Variants in CEP126 observed in about 807,000 individuals in gnomAD.
The protein encoded by CEP126 is centrosomal protein 126.
A neutral mutation model predicts 107.8 loss-of-function variants in CEP126; 74 were observed. The observed-to-expected ratio is 0.69, with a 90% confidence interval of 0.57 to 0.83. The LOEUF (loss-of-function observed/expected upper bound fraction) is 0.83, where lower values mean the gene tolerates loss of function less well. CEP126 is among the 40% of genes least tolerant of loss of function. CEP126 has a pLI of 0.00. For missense variants in CEP126, 1,237 were observed against 1,281.9 expected, an observed-to-expected ratio of 0.96 and a Z score of 0.53; for synonymous variants, 449 against 446.0, an observed-to-expected ratio of 1.01 and a Z score of -0.08.
At chr11:101,921,816 G>A (rs1265499382) in intron 1 of CEP126, among the ~76,000 whole-genome samples, 2 of 85,018 alleles carry the variant, frequency 2.4e-5, no homozygotes, top group African/African-American at 4.7e-5. Context: ...ATGGAGTTTC[G>A]CTTTTGTTGC....
rs183807136 is a variant in CEP126 at position 101,938,022 on chromosome 11, G to A, written c.249-6243G>A. ...CAAAAAATTAGCCGGGCGTGGTGGC[G>A]GACGCCTGTAGTCCCAGCTACTCGG... On this transcript the variant is annotated intron_variant, in intron 2 of 10. Transcript: ENST00000263468. Among the ~76,000 whole-genome samples, 233 of 151,046 alleles carry A rather than the reference G, an allele frequency of 1.5e-3. 1 individual carries two copies. Among genetic ancestry groups the A allele is most frequent in the Non-Finnish European group, 2.7e-3 (186 of 67,664 alleles).
rs1267141593 is a variant in CEP126, at chr11:101,961,792, A to G, written c.757A>G (p.Ile253Val). The change falls in exon 6 of 11, where the codon ATA becomes GTA. Residue 253 changes from isoleucine (I) to valine (V), a missense_variant. This residue lies in a region of CEP126 where 1,134 missense variants were observed against 1,150.5 expected (regional missense o/e 0.99). Coordinates refer to ENST00000263468, the MANE Select transcript of CEP126 (RefSeq NM_020802.4). ...AACCAATTCTGAAACCCTCTCAAGT[A>G]TAGACAGTCTTGAGGCTACAGAGCA... is the stretch of plus-strand genomic sequence containing the variant. ...QITNSETLSS[I>V]DSLEATEHEE... 1 of 1,591,504 alleles carries G rather than the reference A, an allele frequency of 6.3e-7. No individual in the cohort carries two copies. Among genetic ancestry groups the G allele is most frequent in the Non-Finnish European group, 8.5e-7 (1 of 1,172,178 alleles).
chr11:101,987,194 T>C (rs1941326673), intron 9 of CEP126, among the ~76,000 whole-genome samples, 153 bp downstream of exon 9: 1 of 152,226 alleles, frequency 6.6e-6, no homozygotes, highest in Non-Finnish European at 1.5e-5. Flanking sequence ...TATATTTGAA[T>C]ACTATTTCAA....
Position 101,963,158 on chromosome 11 carries a change from A to G in CEP126, c.2123A>G (p.His708Arg). The change falls in exon 6 of 11, where the codon CAT (histidine) becomes CGT (arginine). Residue 708 changes from histidine (H) to arginine (R), a missense_variant. Physicochemically the swap from His to Arg is conservative, Grantham distance 29. This residue lies in a region of CEP126 where 1,134 missense variants were observed against 1,150.5 expected (regional missense o/e 0.99). Coordinates refer to ENST00000263468, the MANE Select transcript of CEP126 (RefSeq NM_020802.4). ...ACTTTAGGAGGATCTGGAGCAGACC[A>G]TATGCCTTTGAACTGTTTTATACCT... is the stretch of plus-strand genomic sequence containing the variant. ...VTTLGGSGAD[H>R]MPLNCFIPSG... 6.2e-7 allele frequency: 1 copy of G among 1,614,128 alleles called. No individual in the cohort carries two copies. Among genetic ancestry groups the G allele is most frequent in the Non-Finnish European group, 8.5e-7 (1 of 1,180,018 alleles).
intron 2 of CEP126, among the ~76,000 whole-genome samples, chr11:101,934,575 A>G (rs769906411): frequency 6.6e-6 from 1 of 151,986 alleles, no homozygotes; most frequent in Non-Finnish European, 1.5e-5. Context: ...TCCATAGTCT[A>G]TCATTATCAT....
intron 4 of CEP126, among the ~76,000 whole-genome samples, chr11:101,952,239 G>C (rs1050365449): frequency 6.6e-6 from 1 of 152,220 alleles, no homozygotes; most frequent in African/African-American, 2.4e-5. Flanking sequence ...AGTGAGAAGA[G>C]AGTTGTGGGC....
At chr11:101,915,756 G>A (rs1423349400) in intron 1 of CEP126, among the ~76,000 whole-genome samples, 1 of 152,022 alleles carries the variant, frequency 6.6e-6, no homozygotes, top group African/African-American at 2.4e-5. Context: ...CTGATTTATC[G>A]TACTACTTGG....
At chr11:101,919,595 T>A (rs971256793) in intron 1 of CEP126, among the ~76,000 whole-genome samples, 1 of 152,134 alleles carries the variant, frequency 6.6e-6, no homozygotes, top group African/African-American at 2.4e-5. Flanking sequence ...ATACCATATT[T>A]GAAATGATAC....
intron 5 of CEP126, 67 bp downstream of exon 5, chr11:101,958,433 T>C (rs1402562269): frequency 2.3e-6 from 3 of 1,288,342 alleles, no homozygotes; most frequent in South Asian, 1.2e-5. Flanking sequence ...ACTTTTGCAG[T>C]GTTCTCCACT....
intron 9 of CEP126, among the ~76,000 whole-genome samples, chr11:101,992,195 G>T (rs556019355): frequency 6.6e-6 from 1 of 151,740 alleles, no homozygotes; most frequent in South Asian, 2.1e-4. Flanking sequence ...ATGAACTAAG[G>T]CTATGAGTTT....
chr11:101,948,077 T>A lies in CEP126; in HGVS notation c.441T>A (p.Ile147=), dbSNP rs754071306. Reference sequence around the variant, plus strand: ...CATTAGAAGAGGCCCTCAAACAAATTCAGGAATCCAACTTAAAATCAGAAG... The same window carrying A: ...CATTAGAAGAGGCCCTCAAACAAATACAGGAATCCAACTTAAAATCAGAAG... The part of the protein sequence containing the change: ...VPPLEEALKQ[I]QESNLKSEVN... The change falls in exon 4 of 11, where the codon ATT becomes ATA. Residue 147 remains isoleucine (I), a synonymous_variant. Coordinates refer to ENST00000263468, the MANE Select transcript of CEP126 (RefSeq NM_020802.4). The A allele has an allele frequency of 6.2e-7, 1 of 1,612,022 alleles. No homozygotes were observed. The highest frequency in any genetic ancestry group is 8.5e-7 in the Non-Finnish European group (1 of 1,178,670).
intron 6 of CEP126, among the ~76,000 whole-genome samples, chr11:101,973,570 T>G (rs1487668959): frequency 1.3e-5 from 2 of 152,180 alleles, no homozygotes; most frequent in Admixed American, 6.5e-5. Flanking sequence ...GCTTAATACC[T>G]AGGTGATGGG....
intron 6 of CEP126, among the ~76,000 whole-genome samples, chr11:101,972,072 C>T (rs1190989158): frequency 6.6e-6 from 1 of 151,612 alleles, no homozygotes; most frequent in African/African-American, 2.4e-5. Context: ...CATGCCACTG[C>T]ACTCCAGCCT....
Position 101,997,857 on chromosome 11 carries a change from CATT to C in CEP126, c.*217_*219del, listed in dbSNP as rs1165915447. 3.5e-6 allele frequency: 2 copies of C among 569,480 alleles called. No homozygotes were observed. The highest frequency in any genetic ancestry group is 3.7e-5 in the African/African-American group (2 of 53,706). 35.3% of individuals were successfully genotyped at this position (569,480 alleles called of 1,614,324 possible). ...AGAGTTCTGAGAATACCATGAAAGA[CATT>C]ATGCCTGCCTAAACAAAAAGCAGGA... On this transcript the variant is annotated 3_prime_UTR_variant, in exon 11 of 11. Coordinates refer to ENST00000263468, the MANE Select transcript of CEP126 (RefSeq NM_020802.4).
At chr11:101,967,659 T>G (rs1941073371) in intron 6 of CEP126, among the ~76,000 whole-genome samples, 1 of 152,196 alleles carries the variant, frequency 6.6e-6, no homozygotes, top group Non-Finnish European at 1.5e-5. Context: ...TCACTGCTCA[T>G]TTTTCTCAAA....
intron 2 of CEP126, among the ~76,000 whole-genome samples, chr11:101,924,039 C>T (rs1399049668): frequency 6.6e-6 from 1 of 151,990 alleles, no homozygotes; most frequent in Non-Finnish European, 1.5e-5. Context: ...AATAGCAAGC[C>T]TTTATGGAAT....
intron 1 of CEP126, among the ~76,000 whole-genome samples, chr11:101,919,914 T>G (rs764466817): frequency 3.9e-5 from 6 of 152,218 alleles, no homozygotes; most frequent in African/African-American, 7.2e-5. Context: ...TACTGCCGAG[T>G]TGTCACTTTT....
intron 10 of CEP126, among the ~76,000 whole-genome samples, chr11:101,997,218 A>T (rs148532743): frequency 0.021 from 3,247 of 152,116 alleles, 36 homozygotes; most frequent in African/African-American, 0.029. Context: ...TTGTATTTTC[A>T]GTAGAGACAG....
intron 3 of CEP126, among the ~76,000 whole-genome samples, chr11:101,946,504 T>A (rs1166098840): frequency 6.7e-6 from 1 of 150,294 alleles, no homozygotes; most frequent in Non-Finnish European, 1.5e-5. Flanking sequence ...CCAGACCTTA[T>A]CTCAAAAAAA....
Sources: allele counts gnomAD v4.1 joint callset (sites outside exome capture counted in the v4.1 genomes callset), GRCh38; gene constraint gnomAD v4.1.1; regional missense constraint gnomAD v4.1.1; transcripts MANE v1.5; gene names NCBI Gene and HGNC (gene_info 2026-07-23, HGNC 2026-07-21).